Variants in GAN observed in about 807,000 individuals in gnomAD.
The protein encoded by GAN is epididymis secretory sperm binding protein.
In GAN, 48 loss-of-function variants were observed where a neutral mutation model predicts 71.3. That is an observed-to-expected ratio of 0.67 (90% CI 0.53 to 0.86). GAN has a LOEUF of 0.86. GAN is among the 40% of genes least tolerant of loss of function. GAN has a pLI of 0.00. For missense variants in GAN, 928 were observed against 770.1 expected, an observed-to-expected ratio of 1.21 and a Z score of -2.43; for synonymous variants, 386 against 276.8, an observed-to-expected ratio of 1.39 and a Z score of -3.92.
At chr16:81,353,260 C>G (rs1043748749) in intron 2 of GAN, among the ~76,000 whole-genome samples, 2 of 147,822 alleles carry the variant, frequency 1.4e-5, no homozygotes, top group Non-Finnish European at 3.0e-5. Context: ...CCACTGCACT[C>G]CAGCGTGGGC....
intron 1 of GAN, among the ~76,000 whole-genome samples, chr16:81,325,025 C>A (rs1042817054): frequency 6.6e-6 from 1 of 151,446 alleles, no homozygotes; most frequent in Non-Finnish European, 1.5e-5. Context: ...GGATGACTCG[C>A]AGCCAGGGAT....
intron 9 of GAN, among the ~76,000 whole-genome samples, chr16:81,371,643 T>C (rs1275665305): frequency 2.0e-5 from 3 of 152,118 alleles, no homozygotes; most frequent in Non-Finnish European, 2.9e-5. Flanking sequence ...CTACCTCTCC[T>C]CTTTCTCAGG....
In GAN at chr16:81,348,771, C is replaced by T. The variant is rs140668400; in HGVS notation, c.168-2812C>T. Among the ~76,000 whole-genome samples, 317 of 152,310 alleles carry T rather than the reference C, an allele frequency of 2.1e-3. 1 individual carries two copies. The highest frequency in any genetic ancestry group is 7.4e-3 in the African/African-American group (308 of 41,562). On this transcript the variant is annotated intron_variant, in intron 1 of 10. Transcript: ENST00000648994. ...CAGGTTTTGCTGTTGTGTGATCAAA[C>T]TGGGTCATTTTCTTAGGGCAGATTG...
intron 1 of GAN, among the ~76,000 whole-genome samples, chr16:81,349,276 C>T (rs545704837): frequency 1.3e-5 from 2 of 152,174 alleles, no homozygotes; most frequent in South Asian, 2.1e-4. Flanking sequence ...GGTTGAGTCT[C>T]GGCTTTGCTT....
In GAN at chr16:81,365,367, G is replaced by C. The variant is rs777535272; in HGVS notation, c.1391G>C (p.Cys464Ser). Residue 464 changes from cysteine (C) to serine (S), a missense_variant, in exon 9 of 11, where the codon TGT becomes TCT. Coordinates refer to ENST00000648994, the MANE Select transcript of GAN (RefSeq NM_022041.4). ...LKERRFGAVA[C>S]GVAMELYVFG... ...CCTTTCAGGTTTGGAGCGGTGGCCT[G>C]TGGAGTTGCTATGGAGCTGTATGTG... 2 of 1,613,754 alleles carry C rather than the reference G, an allele frequency of 1.2e-6. No homozygotes were observed. Among genetic ancestry groups the C allele is most frequent in the Non-Finnish European group, 1.7e-6 (2 of 1,179,980 alleles).
intron 9 of GAN, among the ~76,000 whole-genome samples, chr16:81,369,817 G>T (rs774382803): frequency 3.3e-5 from 5 of 152,142 alleles, no homozygotes. Context: ...TGATCTGCCC[G>T]CCTCGGCCTC....
intron 2 of GAN, 74 bp from the exon 3 acceptor site, chr16:81,354,331 C>T: frequency 1.1e-6 from 1 of 897,528 alleles, no homozygotes; most frequent in South Asian, 1.4e-5. Flanking sequence ...TTCATGTGGC[C>T]CCAATTAATA....
chr16:81,357,459 G>C (rs1385062672), intron 4 of GAN, among the ~76,000 whole-genome samples: 1 of 152,156 alleles, frequency 6.6e-6, no homozygotes, highest in Non-Finnish European at 1.5e-5. Flanking sequence ...TGGCTGCATA[G>C]TATTCCATGG....
chr16:81,323,934 G>A (rs1018437934), intron 1 of GAN, among the ~76,000 whole-genome samples: 6 of 152,036 alleles, frequency 3.9e-5, no homozygotes, highest in African/African-American at 1.4e-4. Context: ...CTATCTCTGT[G>A]GGGCTGGAGA....
rs1386141687 is a variant in GAN at position 81,383,284 on chromosome 16, G to T, written c.*5688G>T. On this transcript the variant is annotated 3_prime_UTR_variant, in exon 11 of 11. Coordinates refer to ENST00000648994, the MANE Select transcript of GAN (RefSeq NM_022041.4). ...TTTTTTTTTTTTGAGACGGAGTCTC[G>T]CTCTGTCGCCTAGGCTGGAGTGCAG... 1 of 114,536 alleles carries T rather than the reference G, an allele frequency of 8.7e-6. No homozygotes were observed. Among genetic ancestry groups the T allele is most frequent in the East Asian group, 2.5e-4 (1 of 4,060 alleles). The allele number at this position is 114,536 out of a possible 1,614,324, so 7.1% of individuals were successfully genotyped here.
intron 3 of GAN, among the ~76,000 whole-genome samples, chr16:81,355,454 T>C (rs373635624): frequency 3.9e-5 from 6 of 152,276 alleles, no homozygotes; most frequent in African/African-American, 1.4e-4. Flanking sequence ...AGTCCCAACC[T>C]TCCTGGCTGA....
intron 9 of GAN, among the ~76,000 whole-genome samples, chr16:81,370,352 G>A (rs954670732): frequency 1.3e-5 from 2 of 152,178 alleles, no homozygotes; most frequent in African/African-American, 4.8e-5. Context: ...ATCTGTTTCA[G>A]TCATGGTCCA....
Position 81,384,652 on chromosome 16 carries a change from C to A in GAN, c.*7056C>A, listed in dbSNP as rs1409469840. The A allele has an allele frequency of 6.6e-6, 1 of 152,120 alleles. No individual in the cohort carries two copies. The highest frequency in any genetic ancestry group is 1.5e-5 in the Non-Finnish European group (1 of 68,042). 9.4% of individuals were successfully genotyped at this position (152,120 alleles called of 1,614,324 possible). A position where few individuals can be genotyped will look rare whatever the true frequency, so the allele number is the denominator to read the frequency against. On this transcript the variant is annotated 3_prime_UTR_variant, in exon 11 of 11. Coordinates refer to ENST00000648994, the MANE Select transcript of GAN (RefSeq NM_022041.4). ...ATGAAAATCTACTCATTGCTAAGAT[C>A]CTCCTCACTTAAAGTGTTTCCTCAG...
chr16:81,326,466 G>A (rs1217288220), intron 1 of GAN, among the ~76,000 whole-genome samples: 2 of 152,182 alleles, frequency 1.3e-5, no homozygotes, highest in Non-Finnish European at 2.9e-5. Context: ...CCGGGAGGCG[G>A]AGGTTGCGAG....
intron 4 of GAN, among the ~76,000 whole-genome samples, chr16:81,357,473 A>G (rs151118819): frequency 2.6e-5 from 4 of 152,194 alleles, no homozygotes; most frequent in Non-Finnish European, 5.9e-5. Flanking sequence ...TCCATGGTGT[A>G]TATGTGCTAC....
At chr16:81,361,591 C>T (rs1449177834) in intron 5 of GAN, among the ~76,000 whole-genome samples, 1 of 152,186 alleles carries the variant, frequency 6.6e-6, no homozygotes, top group Non-Finnish European at 1.5e-5. Context: ...TTAGAAATGC[C>T]CTCAGTGTAA....
intron 9 of GAN, among the ~76,000 whole-genome samples, chr16:81,372,957 C>T (rs1349213526): frequency 6.6e-5 from 10 of 152,144 alleles, no homozygotes; most frequent in African/African-American, 1.9e-4. Flanking sequence ...CAGCAGACTA[C>T]CTGACACCCA....
rs1349517705 is a variant in GAN at position 81,385,037 on chromosome 16, T to G, written c.*7441T>G. 6.5e-6 allele frequency: 1 copy of G among 154,324 alleles called. No individual in the cohort carries two copies. 9.6% of individuals were successfully genotyped at this position (154,324 alleles called of 1,614,324 possible). The stretch of plus-strand genomic sequence containing the variant: ...TTCTAAAAGCCTGGCATATTTGGTA[T>G]AACTTAAGCACCAGGTAAAATCTGG... On this transcript the variant is annotated 3_prime_UTR_variant, in exon 11 of 11. Coordinates refer to ENST00000648994, the MANE Select transcript of GAN (RefSeq NM_022041.4).
Position 81,387,517 on chromosome 16 carries a change from T to G in GAN, c.*9921T>G, listed in dbSNP as rs1904438396. 1 of 152,578 alleles carries G rather than the reference T, an allele frequency of 6.6e-6. No individual in the cohort carries two copies. The highest frequency in any genetic ancestry group is 2.1e-4 in the South Asian group (1 of 4,836). The allele number at this position is 152,578 out of a possible 1,614,324, so 9.5% of individuals were successfully genotyped here. On this transcript the variant is annotated 3_prime_UTR_variant, in exon 11 of 11. Coordinates refer to ENST00000648994, the MANE Select transcript of GAN (RefSeq NM_022041.4). ...CTGTGTGTCCTGACCCCTCTTGCCT[T>G]GTTTTTGATCTGCTCAGGCCGGGTG...
Sources: gnomAD v4.1 joint callset for allele counts (sites outside exome capture counted in the v4.1 genomes callset) on GRCh38, gnomAD v4.1.1 for gene constraint, MANE v1.5 for transcripts, NCBI Gene and HGNC (gene_info 2026-07-23, HGNC 2026-07-21) for gene names.